The following TOLLIP variants were observed in gnomAD, a reference collection of about 807,000 sequenced individuals.
The protein encoded by TOLLIP is toll-interacting protein.
In TOLLIP, 16 loss-of-function variants were observed where a neutral mutation model predicts 33.5. The ratio of observed to expected loss-of-function variants is 0.48; its 90% CI spans 0.32 to 0.72. TOLLIP has a LOEUF of 0.72. TOLLIP is among the 30% of genes least tolerant of loss of function. TOLLIP has a pLI of 0.03. For synonymous variants in TOLLIP, 176 were observed against 163.7 expected, an observed-to-expected ratio of 1.07 and a Z score of -0.57; for missense variants, 325 against 396.6, an observed-to-expected ratio of 0.82 and a Z score of 1.53.
chr11:1,305,347 C>T (rs1338906720), intron 1 of TOLLIP, among the ~76,000 whole-genome samples: 1 of 152,190 alleles, frequency 6.6e-6, no homozygotes, highest in Non-Finnish European at 1.5e-5. Flanking sequence ...CCAGAGCCAG[C>T]GGAGACGGGT....
chr11:1,277,772 C>G lies in TOLLIP; in HGVS notation c.611-519G>C, dbSNP rs781709423. On this transcript the variant is annotated intron_variant, in intron 5 of 5. Transcript: ENST00000317204. The surrounding 1 kb of genome is among the most constrained non-coding windows in gnomAD (Gnocchi z 4.2). ...CTTTTGCAGCTTGGCAAGTGTGTCA[C>G]TAAACTGTGTGCCGGTGGGGAACAA... Among the ~76,000 whole-genome samples, 5 of 152,238 alleles carry G rather than the reference C, an allele frequency of 3.3e-5. No individual in the cohort carries two copies. Among genetic ancestry groups the G allele is most frequent in the Non-Finnish European group, 5.9e-5 (4 of 68,054 alleles).
chr11:1,306,844 A>C (rs1590233333), intron 1 of TOLLIP, among the ~76,000 whole-genome samples: 2 of 149,440 alleles, frequency 1.3e-5, no homozygotes, highest in Non-Finnish European at 3.0e-5. Flanking sequence ...CCTCCTCTCC[A>C]CCTCCAGACC....
intron 4 of TOLLIP, among the ~76,000 whole-genome samples, chr11:1,288,416 G>A (rs1365554674): frequency 6.6e-6 from 1 of 152,228 alleles, no homozygotes; most frequent in African/African-American, 2.4e-5. Context: ...CCCAGACAGA[G>A]AACATGGGCA....
chr11:1,287,382 GCTCCCTGCTGCTGC>G (rs1476849098), intron 4 of TOLLIP, among the ~76,000 whole-genome samples: 3,417 of 140,262 alleles, frequency 0.024, 467 homozygotes, highest in African/African-American at 0.055. Context: ...CAGAAAAGCA[GCTCCCTGCTGCTGC>G]CTCCCCGCCG....
intron 5 of TOLLIP, among the ~76,000 whole-genome samples, chr11:1,280,366 C>T (rs1309135657): frequency 6.6e-6 from 1 of 152,156 alleles, no homozygotes; most frequent in Non-Finnish European, 1.5e-5. Flanking sequence ...ATCCCAGCAG[C>T]GGCGTCCACC....
chr11:1,288,565 G>A, intron 4 of TOLLIP, 59 bp downstream of exon 4: 1 of 1,548,586 alleles, frequency 6.5e-7, no homozygotes, highest in Non-Finnish European at 8.7e-7. Context: ...GGGCGGCATA[G>A]CCCCGACGTG....
rs1863336510 is a variant in TOLLIP, at chr11:1,277,161, T to C, written c.703A>G (p.Lys235Glu). The C allele has an allele frequency of 1.2e-6, 2 of 1,613,060 alleles. No individual in the cohort carries two copies. The highest frequency in any genetic ancestry group is 4.5e-5 in the East Asian group (2 of 44,856). The stretch of plus-strand genomic sequence containing the variant: ...TTGGGGAACATGTCCTGGATGGCTT[T>C]CAGGTCCTCCTCGCTACAGCGGGGC... ...AQPRCSEEDL[K>E]AIQDMFPNMD... The change falls in exon 6 of 6, where the codon AAA (lysine) becomes GAA (glutamate). Residue 235 changes from lysine to glutamate, a missense_variant. Lys to Glu is a moderately conservative substitution (Grantham distance 56). Transcript: ENST00000317204. This position sits in a 1 kb window ranked among gnomAD's most constrained non-coding sequence, Gnocchi z 4.2.
At chr11:1,292,782 T>C (rs1246221939) in intron 2 of TOLLIP, among the ~76,000 whole-genome samples, 10 of 152,072 alleles carry the variant, frequency 6.6e-5, no homozygotes, top group Admixed American at 6.6e-4. Flanking sequence ...GGGCAAGAGA[T>C]GCGCGGCAGA....
chr11:1,293,255 G>A (rs1018660791), intron 2 of TOLLIP, among the ~76,000 whole-genome samples: 16 of 152,244 alleles, frequency 1.1e-4, no homozygotes, highest in Non-Finnish European at 1.8e-4. Flanking sequence ...TTGGGCACAC[G>A]GAGTCCGGAG....
intron 5 of TOLLIP, among the ~76,000 whole-genome samples, chr11:1,285,667 CAG>C (rs34437291): frequency 0.041 from 6,296 of 151,896 alleles, 139 homozygotes; most frequent in Middle Eastern, 0.11. Context: ...TGTCACCTGA[CAG>C]GGGCGTGAGG....
chr11:1,280,326 G>A (rs1484624305), intron 5 of TOLLIP, among the ~76,000 whole-genome samples: 1 of 152,224 alleles, frequency 6.6e-6, no homozygotes, highest in Non-Finnish European at 1.5e-5. Flanking sequence ...GCCACCGCGT[G>A]CACGTTCTCT....
Position 1,277,209 on chromosome 11 carries a change from G to T in TOLLIP, c.655C>A (p.Pro219Thr), listed in dbSNP as rs1335754207. Reference sequence around the variant, plus strand: ...GGCTGGGCGTTCACGGCGGCCGGGGGCAGGGCCACGGGCACCATGCCGGGG... The same window carrying T: ...GGCTGGGCGTTCACGGCGGCCGGGGTCAGGGCCACGGGCACCATGCCGGGG... ...CSPGMVPVALPPAAVNAQPRC... is the reference protein window; with the variant it reads ...CSPGMVPVALTPAAVNAQPRC... Residue 219 changes from proline (P) to threonine (T), a missense_variant, in exon 6 of 6, where the codon CCC becomes ACC. By Grantham distance (38) the Pro-to-Thr change is conservative (BLOSUM62 -1). Coordinates refer to ENST00000317204, the MANE Select transcript of TOLLIP (RefSeq NM_019009.4). This position sits in a 1 kb window ranked among gnomAD's most constrained non-coding sequence, Gnocchi z 4.2. 1.9e-6 allele frequency: 3 copies of T among 1,593,922 alleles called. No individual in the cohort carries two copies. The highest frequency in any genetic ancestry group is 2.6e-6 in the Non-Finnish European group (3 of 1,165,354).
rs1017460639 is a variant in TOLLIP, at chr11:1,309,599, G to A, written c.-101C>T. The A allele has an allele frequency of 2.9e-5, 14 of 487,254 alleles. No individual in the cohort carries two copies. Among genetic ancestry groups the A allele is most frequent in the African/African-American group, 1.8e-4 (9 of 48,760 alleles). 30.2% of individuals were successfully genotyped at this position (487,254 alleles called of 1,614,324 possible). On this transcript the variant is annotated 5_prime_UTR_variant, in exon 1 of 6. Transcript: ENST00000317204. ...CTGCGACGGAGACAGTTGTCACCTC[G>A]AGGCCGCCGCCGCCACAGTCAGCTG...
chr11:1,290,742 A>G lies in TOLLIP; in HGVS notation c.184-333T>C, dbSNP rs1304510193. On this transcript the variant is annotated intron_variant, in intron 2 of 5. Coordinates refer to ENST00000317204, the MANE Select transcript of TOLLIP (RefSeq NM_019009.4). This position sits in a 1 kb window ranked among gnomAD's most constrained non-coding sequence, Gnocchi z 4.9. ...ATGCCCTCCTCAGAAGTGGCTGAGGAGGGAAAGAGGAGGAGGTCCCGGGAC... is the reference window on the plus strand; with the variant it reads ...ATGCCCTCCTCAGAAGTGGCTGAGGGGGGAAAGAGGAGGAGGTCCCGGGAC... Among the ~76,000 whole-genome samples the G allele has an allele frequency of 6.6e-6, 1 of 152,104 alleles. No homozygotes were observed. Among genetic ancestry groups the G allele is most frequent in the African/African-American group, 2.4e-5 (1 of 41,414 alleles).
chr11:1,305,435 C>A (rs955459054), intron 1 of TOLLIP, among the ~76,000 whole-genome samples: 2 of 152,320 alleles, frequency 1.3e-5, no homozygotes, highest in African/African-American at 4.8e-5. Context: ...AGAAAGCCCA[C>A]ACACATCTAC....
chr11:1,285,462 G>A (rs1181430447), intron 5 of TOLLIP, among the ~76,000 whole-genome samples: 7 of 152,380 alleles, frequency 4.6e-5, no homozygotes, highest in South Asian at 2.1e-4. Context: ...CATGAAAAGC[G>A]ACATCCCAGC....
intron 3 of TOLLIP, chr11:1,289,983 T>C: frequency 3.8e-6 from 2 of 526,916 alleles, no homozygotes; most frequent in East Asian, 6.4e-5. Flanking sequence ...GTGCACGCTG[T>C]ATCCCTGGGT....
chr11:1,295,828 C>A, intron 1 of TOLLIP, 34 bp from the exon 2 acceptor site: 1 of 1,524,794 alleles, frequency 6.6e-7, no homozygotes, highest in Non-Finnish European at 8.8e-7. Context: ...GCCAGTGAGT[C>A]AGGGTGGGGG....
Position 1,286,173 on chromosome 11 carries a change from T to TGCCCTCCCCACGCCAGCCCAGAATC in TOLLIP, c.520-106_520-82dup. On this transcript the variant is annotated intron_variant, in intron 4 of 5. Coordinates refer to ENST00000317204, the MANE Select transcript of TOLLIP (RefSeq NM_019009.4). The stretch of plus-strand genomic sequence containing the variant: ...CCTCGGGAATCGCCCTCCCCACAAT[T>TGCCCTCCCCACGCCAGCCCAGAATC]GCCCTCCCCACGCCAGCCCAGAATC... 6.3e-6 allele frequency: 7 copies of TGCCCTCCCCACGCCAGCCCAGAATC among 1,103,808 alleles called. No homozygotes were observed. In the South Asian group the frequency reaches 7.2e-5, roughly 11 times the overall value. The allele number at this position is 1,103,808 out of a possible 1,614,324, so 68.4% of individuals were successfully genotyped here.
Sources: allele counts gnomAD v4.1 joint callset (sites outside exome capture counted in the v4.1 genomes callset), GRCh38; gene constraint gnomAD v4.1.1; non-coding constraint Gnocchi (gnomAD v3.1); transcripts MANE v1.5; gene names NCBI Gene and HGNC (gene_info 2026-07-23, HGNC 2026-07-21).